Variants in TMEM132C observed in about 807,000 individuals in gnomAD.
The protein encoded by TMEM132C is transmembrane protein 132C.
A neutral mutation model predicts 61.4 loss-of-function variants in TMEM132C; 29 were observed. The observed-to-expected ratio is 0.47, with a 90% CI of 0.35 to 0.64. The LOEUF (loss-of-function observed/expected upper bound fraction) is 0.64. Ranked by LOEUF, TMEM132C falls within the 30% of genes least tolerant of loss-of-function variation. TMEM132C has a pLI of 0.00. For missense variants in TMEM132C, 1,408 were observed against 1,476.9 expected (o/e 0.95, Z 0.76); for synonymous variants, 656 against 633.1 (o/e 1.04, Z -0.54).
chr12:128,337,633 G>A (rs923452497), intron 1 of TMEM132C, among the ~76,000 whole-genome samples: 1 of 152,158 alleles, frequency 6.6e-6, no homozygotes, highest in African/African-American at 2.4e-5. Flanking sequence ...AAATAAAGTT[G>A]CAAACCCGGG....
intron 5 of TMEM132C, among the ~76,000 whole-genome samples, chr12:128,671,911 GAGGA>G (rs781099843): frequency 2.6e-4 from 39 of 152,252 alleles, no homozygotes; most frequent in Non-Finnish European, 4.6e-4. Context: ...AAGCCCATGG[GAGGA>G]AGAGGAAAAG....
chr12:128,646,472 G>A (rs1405455950), intron 4 of TMEM132C, among the ~76,000 whole-genome samples: 2 of 146,208 alleles, frequency 1.4e-5, no homozygotes, highest in African/African-American at 5.4e-5. Flanking sequence ...TGTGTTTACT[G>A]GAGTCCATCA....
intron 3 of TMEM132C, among the ~76,000 whole-genome samples, chr12:128,602,079 G>A (rs1876215156): frequency 6.6e-6 from 1 of 152,092 alleles, no homozygotes; most frequent in Non-Finnish European, 1.5e-5. Context: ...GTTGGGCATG[G>A]TGGTCAGTAC....
At position 128,603,869 on chromosome 12, in the gene TMEM132C, A is replaced by T. The variant is rs563641599; in HGVS notation, c.1122-12283A>T. ...GGAGGCCCTGAGAAACAAAGCTAGA[A>T]ACAAAGACTTCTATGTCCTTAAGGA... On this transcript the variant is annotated intron_variant, in intron 3 of 8. Transcript: ENST00000435159. Among the ~76,000 whole-genome samples, 222 of 152,298 alleles carry T rather than the reference A, an allele frequency of 1.5e-3. 3 individuals carry two copies. Among genetic ancestry groups the T allele is most frequent in the African/African-American group, 5.2e-3 (218 of 41,562 alleles).
intron 2 of TMEM132C, among the ~76,000 whole-genome samples, chr12:128,484,253 A>G (rs910057003): frequency 3.3e-5 from 5 of 152,168 alleles, no homozygotes; most frequent in Admixed American, 2.6e-4. Context: ...AAAAGCAGTG[A>G]CAGGTTTTAT....
At chr12:128,604,420 G>GATAGATAC (rs1876327360) in intron 3 of TMEM132C, among the ~76,000 whole-genome samples, 1 of 150,796 alleles carries the variant, frequency 6.6e-6, no homozygotes. Flanking sequence ...TAGATAGATA[G>GATAGATAC]ATAGATAGAT....
intron 3 of TMEM132C, among the ~76,000 whole-genome samples, chr12:128,600,490 T>C (rs979534352): frequency 2.0e-5 from 3 of 152,212 alleles, no homozygotes; most frequent in Non-Finnish European, 4.4e-5. Context: ...TACAGACTCA[T>C]ACCCCTAATA....
At chr12:128,327,437 T>C (rs1872556848) in intron 1 of TMEM132C, among the ~76,000 whole-genome samples, 1 of 149,364 alleles carries the variant, frequency 6.7e-6, no homozygotes, top group Non-Finnish European at 1.5e-5. Context: ...GGCTGGAGTG[T>C]AGTGGCGCGA....
At chr12:128,614,042 A>AGGGCACT (rs1876718549) in intron 3 of TMEM132C, among the ~76,000 whole-genome samples, 1 of 152,222 alleles carries the variant, frequency 6.6e-6, no homozygotes, top group Non-Finnish European at 1.5e-5. Context: ...ATATCAGCAG[A>AGGGCACT]GGGCACTGGA....
At chr12:128,449,574 T>C (rs1870112929) in intron 2 of TMEM132C, among the ~76,000 whole-genome samples, 1 of 152,226 alleles carries the variant, frequency 6.6e-6, no homozygotes, top group Non-Finnish European at 1.5e-5. Context: ...CCTTGTCTGA[T>C]GTTATCATAA....
At chr12:128,565,471 T>C (rs1458460063) in intron 3 of TMEM132C, among the ~76,000 whole-genome samples, 2 of 152,276 alleles carry the variant, frequency 1.3e-5, no homozygotes, top group Non-Finnish European at 2.9e-5. Flanking sequence ...ACAGATGACC[T>C]AGAATTGCTT....
At chr12:128,577,912 G>A (rs181499999) in intron 3 of TMEM132C, among the ~76,000 whole-genome samples, 1 of 152,320 alleles carries the variant, frequency 6.6e-6, no homozygotes, top group East Asian at 1.9e-4. Context: ...AGGTAGCCAT[G>A]GAAGAGTTTC....
chr12:128,525,152 T>C (rs1319354759), intron 2 of TMEM132C, among the ~76,000 whole-genome samples: 1 of 152,000 alleles, frequency 6.6e-6, no homozygotes, highest in Non-Finnish European at 1.5e-5. Context: ...CTTCCTGGAG[T>C]CTCAGAGGAT....
intron 2 of TMEM132C, among the ~76,000 whole-genome samples, chr12:128,496,132 C>A (rs1871947941): frequency 1.3e-5 from 2 of 152,212 alleles, no homozygotes; most frequent in Middle Eastern, 6.8e-3. Flanking sequence ...GTTGAAAATT[C>A]TTTTCTTTAA....
At chr12:128,276,615 A>G (rs1363028521) in intron 1 of TMEM132C, among the ~76,000 whole-genome samples, 2 of 152,192 alleles carry the variant, frequency 1.3e-5, no homozygotes, top group Middle Eastern at 3.4e-3. Flanking sequence ...CTCTTAGGTT[A>G]ATTTTTTCTC....
chr12:128,438,936 A>G (rs1010466110), intron 2 of TMEM132C: 5 of 152,018 alleles, frequency 3.3e-5, no homozygotes, highest in African/African-American at 9.7e-5. Flanking sequence ...TTTTCCCCCC[A>G]GTTCTCCTGG....
intron 1 of TMEM132C, among the ~76,000 whole-genome samples, chr12:128,342,347 G>A (rs1205743795): frequency 1.3e-5 from 2 of 152,180 alleles, no homozygotes; most frequent in Non-Finnish European, 2.9e-5. Flanking sequence ...GCAAGAAACA[G>A]GAAGAGAAGA....
intron 1 of TMEM132C, among the ~76,000 whole-genome samples, chr12:128,323,771 C>T (rs1282942915): frequency 6.6e-6 from 1 of 152,166 alleles, no homozygotes; most frequent in African/African-American, 2.4e-5. Flanking sequence ...TGCCTGATTG[C>T]GTATGCTCAG....
intron 2 of TMEM132C, among the ~76,000 whole-genome samples, chr12:128,471,959 G>A (rs1173159275): frequency 6.6e-6 from 1 of 152,200 alleles, no homozygotes; most frequent in Non-Finnish European, 1.5e-5. Flanking sequence ...GGTATGAAGA[G>A]CAGTCTTCTC....
Sources: gnomAD v4.1 joint callset for allele counts (sites outside exome capture counted in the v4.1 genomes callset) on GRCh38, gnomAD v4.1.1 for gene constraint, MANE v1.5 for transcripts, NCBI Gene and HGNC (gene_info 2026-07-23, HGNC 2026-07-21) for gene names.